The following NCOR2 variants were observed in gnomAD, a reference collection of about 807,000 sequenced individuals.
NCOR2 encodes nuclear receptor corepressor 2, also known as CTG repeat protein 26.
In NCOR2, 81 loss-of-function variants were observed where a neutral mutation model predicts 262.9. That is an observed-to-expected ratio of 0.31 (90% CI 0.26 to 0.37). The LOEUF is 0.37. Among genes scored for constraint, NCOR2 ranks in the 10% least tolerant of loss-of-function variants. The pLI is 1.00. For synonymous variants in NCOR2, 1,659 were observed against 1,559.3 expected (o/e 1.06, Z -1.51); for missense variants, 3,385 against 3,621.4 (o/e 0.93, Z 1.68).
At chr12:124,380,422 C>T (rs1298341776) in intron 17 of NCOR2, among the ~76,000 whole-genome samples, 1 of 152,242 alleles carries the variant, frequency 6.6e-6, no homozygotes, top group Non-Finnish European at 1.5e-5. Context: ...CAGAGGGCCA[C>T]AGCCCTGCCC....
At chr12:124,424,810 T>C (rs1447086441) in intron 11 of NCOR2, among the ~76,000 whole-genome samples, 1 of 152,138 alleles carries the variant, frequency 6.6e-6, no homozygotes, top group Non-Finnish European at 1.5e-5. Context: ...GGCAGCTCAG[T>C]AGCCTGCCGG....
At chr12:124,372,376 G>T in exon 20 of NCOR2, 2 of 1,509,212 alleles carry the variant, frequency 1.3e-6, no homozygotes, top group Non-Finnish European at 1.8e-6. Flanking sequence ...CACAGGAGGA[G>T]GTGCAGAGGG....
chr12:124,417,080 C>CGGACAGTCACTCCACGGAGAGCAGGCT (rs2042922995), intron 13 of NCOR2, among the ~76,000 whole-genome samples: 1 of 140,836 alleles, frequency 7.1e-6, no homozygotes, highest in African/African-American at 3.0e-5. Flanking sequence ...GAGAGCAGGC[C>CGGACAGTCACTCCACGGAGAGCAGGCT]GGACAGTCAC....
chr12:124,388,512 A>T (rs2040986841), intron 16 of NCOR2, among the ~76,000 whole-genome samples: 1 of 152,096 alleles, frequency 6.6e-6, no homozygotes, highest in Non-Finnish European at 1.5e-5. Context: ...TCAGCCCAGC[A>T]GGGAGAGAGA....
Position 124,503,613 on chromosome 12 carries a change from CG to C in NCOR2, c.-117-8246del, listed in dbSNP as rs1381417548. ...ACGGATGGATGGATGGACGGACGGA[CG>C]GATGGATGGATGGATGGATGGGCGA... On this transcript the variant is annotated intron_variant, in intron 1 of 46. Coordinates refer to the NCOR2 transcript ENST00000404621. This position sits in a 1 kb window ranked among gnomAD's most constrained non-coding sequence, Gnocchi z 4.3. 7.2e-6 allele frequency among the ~76,000 whole-genome samples: 1 copy of C among 139,104 alleles called. No homozygotes were observed. The highest frequency in any genetic ancestry group is 2.8e-5 in the African/African-American group (1 of 36,130). 91.3% of individuals were successfully genotyped at this position (139,104 alleles called of 152,430 possible). A position where few individuals can be genotyped will look rare whatever the true frequency, so the allele number is the denominator to read the frequency against.
chr12:124,477,116 T>C (rs112999160), intron 3 of NCOR2, among the ~76,000 whole-genome samples: 4 of 152,010 alleles, frequency 2.6e-5, no homozygotes, highest in African/African-American at 9.7e-5. Flanking sequence ...GGGGGTGACA[T>C]GGTTTGGCCG....
At chr12:124,562,649 T>C (rs1481052865) in intron 1 of NCOR2, among the ~76,000 whole-genome samples, 1 of 152,182 alleles carries the variant, frequency 6.6e-6, no homozygotes, top group Non-Finnish European at 1.5e-5. Flanking sequence ...GGCAGGGAGC[T>C]GAGCACATTT....
intron 4 of NCOR2, among the ~76,000 whole-genome samples, chr12:124,466,781 A>T (rs546362781): frequency 1.3e-5 from 2 of 152,072 alleles, no homozygotes; most frequent in Admixed American, 1.3e-4. Flanking sequence ...TCCCACTCCT[A>T]CTTACTGCGT....
Position 124,502,392 on chromosome 12 carries a change from CAGA to C in NCOR2, c.-117-7027_-117-7025del, listed in dbSNP as rs140263059. ...AGGTGAGACGGGAGTAAGAGGATGGCAGAAGGTGTTAGCACGATGGAGAAAAAC... is the reference window on the plus strand; with the variant it reads ...AGGTGAGACGGGAGTAAGAGGATGGCAGGTGTTAGCACGATGGAGAAAAAC... On this transcript the variant is annotated intron_variant, in intron 1 of 46. Coordinates refer to the NCOR2 transcript ENST00000404621. 9.1e-3 allele frequency among the ~76,000 whole-genome samples: 1,379 copies of C among 152,280 alleles called. 25 individuals are homozygous for C. Among genetic ancestry groups the C allele is most frequent in the African/African-American group, 0.032 (1,314 of 41,538 alleles).
chr12:124,438,676 G>GAGAGAGGGAGACAGAGACCCAGAA (rs1226384265), intron 7 of NCOR2, among the ~76,000 whole-genome samples: 10 of 151,366 alleles, frequency 6.6e-5, no homozygotes, highest in Non-Finnish European at 1.5e-4. Context: ...GTTTCAGAGA[G>GAGAGAGGGAGACAGAGACCCAGAA]AGAGAGGGAG....
chr12:124,509,715 C>A (rs539940486), intron 1 of NCOR2, among the ~76,000 whole-genome samples: 2 of 152,274 alleles, frequency 1.3e-5, no homozygotes, highest in East Asian at 3.9e-4. Context: ...TCCTGTGTCA[C>A]CCTGAAGGGA....
intron 18 of NCOR2, 42 bp from the exon 21 acceptor site, chr12:124,374,505 A>G (rs745428141): frequency 5.0e-6 from 8 of 1,592,328 alleles, no homozygotes; most frequent in Admixed American, 3.4e-5. Flanking sequence ...AGGCAGCACC[A>G]AGTAGTGGGA....
At chr12:124,408,336 A>C (rs1439694442) in intron 13 of NCOR2, among the ~76,000 whole-genome samples, 3 of 151,990 alleles carry the variant, frequency 2.0e-5, no homozygotes, top group African/African-American at 4.8e-5. Context: ...CCTGGGTGAC[A>C]GAGTGAGACT....
Position 124,473,152 on chromosome 12 carries a change from G to A in NCOR2, c.412-21C>T, listed in dbSNP as rs753060968. Reference sequence around the variant, plus strand: ...CGGTCCTGTGGCAGAAAAAAAACGGGCATGGGGTCAGCACAGGGGACACCC... The same window carrying A: ...CGGTCCTGTGGCAGAAAAAAAACGGACATGGGGTCAGCACAGGGGACACCC... On this transcript the variant is annotated intron_variant, in intron 3 of 46. Coordinates refer to ENST00000405201, the Ensembl canonical transcript of NCOR2. The A allele has an allele frequency of 1.9e-6, 3 of 1,612,842 alleles. No homozygotes were observed. In the African/African-American group the frequency reaches 4.0e-5, roughly 22 times the overall value.
chr12:124,412,757 G>A (rs371811797), intron 13 of NCOR2, among the ~76,000 whole-genome samples: 75 of 152,386 alleles, frequency 4.9e-4, no homozygotes, highest in African/African-American at 1.5e-3. Context: ...ACGCCTGGGA[G>A]CTCCTTGGAA....
At chr12:124,397,752 T>C (rs2041775975) in intron 16 of NCOR2, among the ~76,000 whole-genome samples, 1 of 152,054 alleles carries the variant, frequency 6.6e-6, no homozygotes, top group Non-Finnish European at 1.5e-5. Context: ...CGGCAAGCTC[T>C]GACTGTCCCG....
intron 11 of NCOR2, among the ~76,000 whole-genome samples, 161 bp from the exon 14 acceptor site, chr12:124,422,716 C>A (rs947649359): frequency 2.0e-5 from 3 of 150,098 alleles, no homozygotes; most frequent in African/African-American, 2.4e-5. Context: ...AGGGCTGCTG[C>A]GGCAGACGGG....
rs1191032046 is a variant in NCOR2 at position 124,454,868 on chromosome 12, T to C, written c.762+2238A>G. Among the ~76,000 whole-genome samples the C allele has an allele frequency of 6.6e-6, 1 of 152,162 alleles. No homozygotes were observed. Among genetic ancestry groups the C allele is most frequent in the Non-Finnish European group, 1.5e-5 (1 of 68,042 alleles). On this transcript the variant is annotated intron_variant, in intron 6 of 46. Coordinates refer to ENST00000405201, the Ensembl canonical transcript of NCOR2. This position sits in a 1 kb window ranked among gnomAD's most constrained non-coding sequence, Gnocchi z 5.6. ...CGGCACACTAATGTTCACAGCAACT[T>C]TATTCACAATACCCCAAATATGCAA...
chr12:124,448,999 T>TGTTC (rs1332821086), intron 7 of NCOR2, among the ~76,000 whole-genome samples: 4 of 152,104 alleles, frequency 2.6e-5, no homozygotes, highest in Admixed American at 2.6e-4. Context: ...CGTGGCCATA[T>TGTTC]GTTCCTCAAG....
Sources: gnomAD v4.1 joint callset for allele counts (sites outside exome capture counted in the v4.1 genomes callset) on GRCh38, gnomAD v4.1.1 for gene constraint, Gnocchi (gnomAD v3.1) non-coding constraint, MANE v1.5 for transcripts, NCBI Gene and HGNC (gene_info 2026-07-23, HGNC 2026-07-21) for gene names.